The following SORBS2 variants were observed in gnomAD, a reference collection of about 807,000 sequenced individuals.
SORBS2 encodes the protein sorbin and SH3 domain containing 2, also known as sorbin and SH3 domain-containing protein 2.
Under a neutral mutation model 97.7 loss-of-function variants are expected in SORBS2, and 46 were observed. That is an observed-to-expected ratio of 0.47 (90% CI 0.37 to 0.60). The LOEUF (loss-of-function observed/expected upper bound fraction) is 0.60, where lower values mean the gene tolerates loss of function less well. Among genes scored for constraint, SORBS2 ranks in the 20% least tolerant of loss-of-function variants. The probability of loss-of-function intolerance (pLI) is 0.00; values close to 1 mark genes in which losing one functional copy is unlikely to be tolerated. For missense variants in SORBS2, 1,316 were observed against 1,282.3 expected (o/e 1.03, Z -0.40); for synonymous variants, 476 against 473.4 (o/e 1.01, Z -0.07).
rs1163269064 is a variant in SORBS2, at chr4:185,662,592, A to G, written c.-45-350T>C. 2.6e-5 allele frequency among the ~76,000 whole-genome samples: 4 copies of G among 152,356 alleles called. 1 individual carries two copies. The highest frequency in any genetic ancestry group is 4.1e-4 in the South Asian group (2 of 4,824). ...ACGACTTTGCTCTGACAGTCGTAAC[A>G]TCAGCAATCAGAACACGGTGGTGCT... On this transcript the variant is annotated intron_variant, in intron 4 of 20. Coordinates refer to the SORBS2 transcript ENST00000284776.
At chr4:185,951,007 G>A (rs1410844605) in intron 1 of SORBS2, among the ~76,000 whole-genome samples, 1 of 152,196 alleles carries the variant, frequency 6.6e-6, no homozygotes, top group East Asian at 1.9e-4. Flanking sequence ...TGGAATGTAA[G>A]ATGGATTGAT....
intron 1 of SORBS2, among the ~76,000 whole-genome samples, chr4:185,950,879 AG>A (rs2099276899): frequency 6.6e-6 from 1 of 152,204 alleles, no homozygotes; most frequent in Admixed American, 6.5e-5. Context: ...GGAAGGGAAT[AG>A]GGTTCCCAGA....
At chr4:185,841,562 C>A (rs569407872) in intron 1 of SORBS2, among the ~76,000 whole-genome samples, 1 of 152,088 alleles carries the variant, frequency 6.6e-6, no homozygotes, top group African/African-American at 2.4e-5. Flanking sequence ...AAGAAAGATG[C>A]GGAAGACAGA....
rs201255950 is a variant in SORBS2 at position 185,623,500 on chromosome 4, G to A, written c.1629C>T (p.Ser543=). ...GGTGGTGGTGATGGTGGTGGTGGTGGCTGGATCCGTAAAAGCTTTCGGAGG... is the reference window on the plus strand; with the variant it reads ...GGTGGTGGTGATGGTGGTGGTGGTGACTGGATCCGTAAAAGCTTTCGGAGG... The change falls in exon 7 of 15, where the codon AGC becomes AGT. Residue 543 remains serine, a synonymous_variant. Transcript: ENST00000418609. The surrounding 1 kb of genome is among the most constrained non-coding windows in gnomAD (Gnocchi z 6.4). 5.0e-5 allele frequency: 80 copies of A among 1,613,542 alleles called. No individual in the cohort carries two copies. The highest frequency in any genetic ancestry group is 6.4e-5 in the Non-Finnish European group (75 of 1,179,972).
At chr4:185,923,444 C>T (rs925219434) in intron 1 of SORBS2, among the ~76,000 whole-genome samples, 5 of 137,248 alleles carry the variant, frequency 3.6e-5, no homozygotes, top group Non-Finnish European at 8.0e-5. Context: ...AGACATGCCA[C>T]CATGCTTGGC....
At chr4:185,872,856 CAGG>C (rs542292363) in intron 1 of SORBS2, among the ~76,000 whole-genome samples, 16 of 152,158 alleles carry the variant, frequency 1.1e-4, no homozygotes, top group Non-Finnish European at 2.4e-4. Context: ...CCATTATTTT[CAGG>C]AGGACAGCGG....
At chr4:185,630,784 T>C (rs1327032477) in intron 4 of SORBS2, among the ~76,000 whole-genome samples, 186 bp from the exon 17 acceptor site, 1 of 152,222 alleles carries the variant, frequency 6.6e-6, no homozygotes, top group Non-Finnish European at 1.5e-5. Context: ...ACTTGGGACC[T>C]ATCTGCTTTC....
At chr4:185,639,826 A>G (rs928388157) in intron 4 of SORBS2, among the ~76,000 whole-genome samples, 6 of 152,232 alleles carry the variant, frequency 3.9e-5, no homozygotes, top group Non-Finnish European at 7.3e-5. Flanking sequence ...GAACAATTCA[A>G]TATCATTTGC....
intron 1 of SORBS2, among the ~76,000 whole-genome samples, chr4:185,793,904 C>T (rs1164950618): frequency 2.0e-5 from 3 of 152,170 alleles, no homozygotes; most frequent in African/African-American, 7.2e-5. Context: ...CACACCTCCT[C>T]GAAAGCTAAA....
intron 4 of SORBS2, 66 bp downstream of exon 14, chr4:185,638,811 A>G: frequency 7.3e-7 from 1 of 1,377,996 alleles, no homozygotes; most frequent in Non-Finnish European, 9.4e-7. Context: ...CCAGGCTCTG[A>G]GCAAGCAAGG....
At chr4:185,666,020 A>T (rs1438960010) in intron 4 of SORBS2, 1 of 1,289,080 alleles carries the variant, frequency 7.8e-7, no homozygotes, top group African/African-American at 1.5e-5. Flanking sequence ...AGGCGTGAAG[A>T]CCCCACACCA....
intron 5 of SORBS2, among the ~76,000 whole-genome samples, chr4:185,629,510 A>C (rs182059024): frequency 6.7e-5 from 10 of 149,916 alleles, no homozygotes; most frequent in African/African-American, 2.5e-4. Context: ...GGGAGTTTGT[A>C]TTATTCAATA....
intron 1 of SORBS2, among the ~76,000 whole-genome samples, chr4:185,859,437 C>A (rs1386122927): frequency 6.6e-6 from 1 of 152,162 alleles, no homozygotes; most frequent in African/African-American, 2.4e-5. Context: ...CTGTGCAGTT[C>A]CTCAAAGTGC....
rs539577063 is a variant in SORBS2, at chr4:185,684,021, A to G, written c.-197-5199T>C. ...AGCTAACCAACCAGCCAACCAACCA[A>G]CCAACCCACCAACCAACCCATCACC... On this transcript the variant is annotated intron_variant, in intron 2 of 20. Coordinates refer to the SORBS2 transcript ENST00000284776. This position sits in a 1 kb window ranked among gnomAD's most constrained non-coding sequence, Gnocchi z 4.2. Among the ~76,000 whole-genome samples, 75 of 151,696 alleles carry G rather than the reference A, an allele frequency of 4.9e-4. No homozygotes were observed. In the East Asian group the frequency reaches 0.013, roughly 27 times the overall value.
chr4:185,718,449 T>G (rs1562100328), intron 2 of SORBS2, among the ~76,000 whole-genome samples: 2 of 152,138 alleles, frequency 1.3e-5, no homozygotes, highest in Admixed American at 1.3e-4. Flanking sequence ...AAGACAAGTT[T>G]GTATAAACAG....
intron 1 of SORBS2, among the ~76,000 whole-genome samples, chr4:185,798,272 A>G (rs2099115162): frequency 6.6e-6 from 1 of 152,184 alleles, no homozygotes; most frequent in Admixed American, 6.5e-5. Flanking sequence ...TTTTTCCAGA[A>G]TAAACTTGTG....
At chr4:185,681,999 A>G (rs1282645803) in intron 2 of SORBS2, among the ~76,000 whole-genome samples, 2 of 152,212 alleles carry the variant, frequency 1.3e-5, no homozygotes, top group Admixed American at 6.5e-5. Flanking sequence ...AGTGCTTTTT[A>G]AGAATTATTT....
chr4:185,941,933 T>C (rs1438315503), intron 1 of SORBS2, among the ~76,000 whole-genome samples: 1 of 152,042 alleles, frequency 6.6e-6, no homozygotes, highest in Non-Finnish European at 1.5e-5. Flanking sequence ...CTGGCCAATG[T>C]GGTGAAACCC....
At chr4:185,862,680 G>T (rs1222189604) in intron 1 of SORBS2, among the ~76,000 whole-genome samples, 1 of 152,212 alleles carries the variant, frequency 6.6e-6, no homozygotes, top group East Asian at 1.9e-4. Context: ...CAATATGCAA[G>T]AAATACATAT....
Sources: gnomAD v4.1 joint callset for allele counts (sites outside exome capture counted in the v4.1 genomes callset) on GRCh38, gnomAD v4.1.1 for gene constraint, Gnocchi (gnomAD v3.1) non-coding constraint, MANE v1.5 for transcripts, NCBI Gene and HGNC (gene_info 2026-07-23, HGNC 2026-07-21) for gene names.